The following MEGF11 variants were observed in gnomAD, a reference collection of about 807,000 sequenced individuals.
The protein encoded by MEGF11 is multiple EGF like domains 11.
MEGF11 carries 126 observed loss-of-function variants against 146.6 expected under a neutral mutation model. That is an observed-to-expected ratio of 0.86 (90% confidence interval 0.74 to 1.00). The LOEUF (loss-of-function observed/expected upper bound fraction) is 1.00. MEGF11 is among the 50% of genes least tolerant of loss of function. MEGF11 has a pLI of 0.00. For synonymous variants in MEGF11, 532 were observed against 583.4 expected, an observed-to-expected ratio of 0.91 and a Z score of 1.27; for missense variants, 1,509 against 1,521.2, an observed-to-expected ratio of 0.99 and a Z score of 0.13.
At chr15:66,085,667 T>A (rs1471676378) in intron 5 of MEGF11, among the ~76,000 whole-genome samples, 1 of 152,106 alleles carries the variant, frequency 6.6e-6, no homozygotes, top group African/African-American at 2.4e-5. Flanking sequence ...GACAAAAGAA[T>A]CTGAACAACA....
intron 1 of MEGF11, among the ~76,000 whole-genome samples, chr15:66,167,664 AACAAAC>A (rs2090136866): frequency 1.2e-5 from 1 of 80,024 alleles, no homozygotes; most frequent in Non-Finnish European, 2.9e-5. Flanking sequence ...AAACAAAACA[AACAAAC>A]AAACAAACAA....
intron 1 of MEGF11, among the ~76,000 whole-genome samples, chr15:66,168,702 C>T (rs1487702599): frequency 6.6e-6 from 1 of 152,184 alleles, no homozygotes; most frequent in South Asian, 2.1e-4. Context: ...AGGCTGGGTT[C>T]GGTGGCTTAT....
chr15:66,245,012 C>T (rs1265146349), intron 1 of MEGF11, among the ~76,000 whole-genome samples: 5 of 152,036 alleles, frequency 3.3e-5, no homozygotes, highest in South Asian at 2.1e-4. Context: ...ATTTGTGGTG[C>T]GGGCAATAAT....
intron 12 of MEGF11, 99 bp downstream of exon 12, chr15:65,929,621 A>G (rs2079499398): frequency 1.5e-6 from 2 of 1,354,542 alleles, no homozygotes; most frequent in African/African-American, 2.9e-5. Context: ...CACCTAGCTT[A>G]GTGCTGTTCT....
chr15:66,028,443 A>G (rs2083410965), intron 5 of MEGF11, among the ~76,000 whole-genome samples: 2 of 152,220 alleles, frequency 1.3e-5, no homozygotes, highest in South Asian at 4.1e-4. Context: ...ATAATGTTGA[A>G]AATAGGAATG....
At chr15:65,924,107 CCAG>C (rs145819611) in intron 13 of MEGF11, among the ~76,000 whole-genome samples, 9,357 of 152,106 alleles carry the variant, frequency 0.062, 418 homozygotes, top group Non-Finnish European at 0.092. Context: ...GCCAGCCCTA[CCAG>C]CAGCAGGAGA....
rs768611390 is a variant in MEGF11, at chr15:65,964,976, C to G, written c.1044G>C (p.Leu348=). The change falls in exon 9 of 26, where the codon CTG becomes CTC. Residue 348 remains leucine, a synonymous_variant. Coordinates refer to ENST00000395614, the MANE Select transcript of MEGF11 (RefSeq NM_001385028.1). The part of the protein sequence containing the change: ...GYKGPRCQER[L]CPEGLHGPGC... ...CTGGGCCATGCAGGCCCTCCGGGCA[C>G]AGTCGCTCCTGGCAGCGTGGGCCCT... 2 of 1,570,098 alleles carry G rather than the reference C, an allele frequency of 1.3e-6. No individual in the cohort carries two copies. The highest frequency in any genetic ancestry group is 1.7e-6 in the Non-Finnish European group (2 of 1,157,994).
At chr15:66,070,549 C>T (rs1385475938) in intron 5 of MEGF11, among the ~76,000 whole-genome samples, 1 of 152,212 alleles carries the variant, frequency 6.6e-6, no homozygotes, top group Non-Finnish European at 1.5e-5. Context: ...CTGTATTCTA[C>T]AAGAGGCTGG....
intron 4 of MEGF11, 76 bp downstream of exon 4, chr15:66,119,010 A>ACATCC (rs1433590009): frequency 5.1e-6 from 4 of 782,636 alleles, no homozygotes; most frequent in Non-Finnish European, 8.4e-6. Context: ...TATCAGCCCC[A>ACATCC]CCTCCCCTCC....
intron 1 of MEGF11, among the ~76,000 whole-genome samples, chr15:66,150,502 T>C (rs2089522991): frequency 6.6e-6 from 1 of 152,050 alleles, no homozygotes. Flanking sequence ...TTTCCCCCAA[T>C]TGTGATGACA....
chr15:66,099,864 G>A lies in MEGF11; in HGVS notation c.302-5370C>T, dbSNP rs147028040. Among the ~76,000 whole-genome samples the A allele has an allele frequency of 4.9e-3, 746 of 152,280 alleles. 8 individuals carry two copies. The highest frequency in any genetic ancestry group is 0.017 in the African/African-American group (702 of 41,566). On this transcript the variant is annotated intron_variant, in intron 4 of 25. Coordinates refer to ENST00000395614, the MANE Select transcript of MEGF11 (RefSeq NM_001385028.1). ...CGTTAGGCAGGGAGCGGGTGGGGAGGAAGGAGCCCTGGTAAAACTAGAAGG... is the reference window on the plus strand; with the variant it reads ...CGTTAGGCAGGGAGCGGGTGGGGAGAAAGGAGCCCTGGTAAAACTAGAAGG...
chr15:66,214,596 T>C (rs1034893725), intron 1 of MEGF11, among the ~76,000 whole-genome samples: 4 of 152,172 alleles, frequency 2.6e-5, no homozygotes, highest in Admixed American at 2.6e-4. Flanking sequence ...AGATTACTTA[T>C]AGGTAAAGCC....
chr15:66,103,492 A>C (rs993879516), intron 4 of MEGF11, among the ~76,000 whole-genome samples: 1 of 152,202 alleles, frequency 6.6e-6, no homozygotes, highest in African/African-American at 2.4e-5. Context: ...GTTAGTAATG[A>C]GGCCTAGCGT....
At chr15:66,063,551 T>C (rs1033203769) in intron 5 of MEGF11, among the ~76,000 whole-genome samples, 1 of 152,182 alleles carries the variant, frequency 6.6e-6, no homozygotes, top group African/African-American at 2.4e-5. Flanking sequence ...CCCCAAACCA[T>C]GCTGCAGGAG....
intron 5 of MEGF11, among the ~76,000 whole-genome samples, chr15:66,066,214 G>T (rs1045674572): frequency 6.6e-6 from 1 of 152,142 alleles, no homozygotes; most frequent in African/African-American, 2.4e-5. Flanking sequence ...ACATTTCCCT[G>T]AGGGCAGCAG....
intron 1 of MEGF11, among the ~76,000 whole-genome samples, chr15:66,202,074 G>A (rs1425545198): frequency 2.0e-5 from 3 of 151,960 alleles, no homozygotes; most frequent in South Asian, 4.2e-4. Flanking sequence ...GGCAGATGGG[G>A]GGCTGAAGCC....
chr15:65,953,405 GAGTTC>G (rs1348261367), intron 10 of MEGF11, among the ~76,000 whole-genome samples: 1 of 152,122 alleles, frequency 6.6e-6, no homozygotes, highest in Non-Finnish European at 1.5e-5. Context: ...ACTAATATGA[GAGTTC>G]AGTGTCTCCC....
chr15:66,071,940 T>C (rs2085385571), intron 5 of MEGF11, among the ~76,000 whole-genome samples: 1 of 152,198 alleles, frequency 6.6e-6, no homozygotes, highest in Non-Finnish European at 1.5e-5. Context: ...TGAGCACCAC[T>C]GGGACCCAGG....
intron 8 of MEGF11, among the ~76,000 whole-genome samples, chr15:65,970,125 G>C (rs997912270): frequency 7.2e-5 from 11 of 152,148 alleles, no homozygotes; most frequent in Non-Finnish European, 7.3e-5. Context: ...GCCTTCAGAG[G>C]ATGCAAACTG....
Sources: allele counts gnomAD v4.1 joint callset (sites outside exome capture counted in the v4.1 genomes callset), GRCh38; gene constraint gnomAD v4.1.1; transcripts MANE v1.5; gene names NCBI Gene and HGNC (gene_info 2026-07-23, HGNC 2026-07-21).